Variants in OR13C3 observed in about 807,000 individuals in gnomAD.
OR13C3 encodes the protein olfactory receptor 13C3.
Under a neutral mutation model 14.4 loss-of-function variants are expected in OR13C3, and 19 were observed. The observed-to-expected ratio is 1.31, with a 90% confidence interval of 0.92 to 1.93. The LOEUF (loss-of-function observed/expected upper bound fraction) is 1.93, where lower values mean the gene tolerates loss of function less well. OR13C3 is among the 30% of genes most tolerant of loss of function. The probability of loss-of-function intolerance (pLI) is 0.00; values close to 1 mark genes in which losing one functional copy is unlikely to be tolerated. For missense variants in OR13C3, 394 were observed against 381.4 expected, an observed-to-expected ratio of 1.03 and a Z score of -0.27; for synonymous variants, 140 against 142.5, an observed-to-expected ratio of 0.98 and a Z score of 0.12.
chr9:104,536,262 T>C (rs1828816037), exon 1 of OR13C3: 6 of 1,614,136 alleles, frequency 3.7e-6, no homozygotes, highest in Non-Finnish European at 4.2e-6. Context: ...CAGCTGAATT[T>C]ATTCCACCGG....
exon 1 of OR13C3, chr9:104,536,420 A>G: frequency 6.2e-7 from 1 of 1,614,198 alleles, no homozygotes; most frequent in Non-Finnish European, 8.5e-7. Context: ...AACCCAAAGA[A>G]CATCTGCACT....
chr9:104,536,719 C>A (rs549034494), exon 1 of OR13C3: 8 of 1,613,754 alleles, frequency 5.0e-6, no homozygotes, highest in Admixed American at 1.7e-5. Context: ...GTTAATCTCA[C>A]CCATGTCATC....
At position 104,536,707 on chromosome 9, in the gene OR13C3, T is replaced by A. The variant is rs776109998; in HGVS notation, c.17A>T (p.Gln6Leu). ...AAGAAGAAATTCTGACACAAGTGTC[T>A]GGTTAATCTCACCCATGTCATCTGC... The change falls in exon 1 of 1, where the codon CAG becomes CTG. Residue 6 changes from glutamine (Q) to leucine (L), a missense_variant. Transcript: ENST00000641090. 82 of 1,613,578 alleles carry A rather than the reference T, an allele frequency of 5.1e-5. 2 individuals are homozygous for A. The Middle Eastern group carries it at 4.5e-3, about 88-fold the overall frequency.
exon 1 of OR13C3, chr9:104,536,487 G>C: frequency 1.9e-6 from 3 of 1,614,176 alleles, no homozygotes; most frequent in Non-Finnish European, 2.5e-6. Context: ...CCAATGTTGA[G>C]GGAACAGAGG....
exon 1 of OR13C3, chr9:104,535,775 G>A: frequency 6.3e-7 from 1 of 1,597,636 alleles, no homozygotes; most frequent in Non-Finnish European, 8.6e-7. Context: ...TTTCATTAGT[G>A]AATTGGTTTT....
exon 1 of OR13C3, chr9:104,536,377 C>A (rs773163298): frequency 6.2e-7 from 1 of 1,614,080 alleles, no homozygotes; most frequent in Non-Finnish European, 8.5e-7. Context: ...TGCCATCATG[C>A]CAAGAAGCAG....
chr9:104,536,514 A>G, exon 1 of OR13C3: 1 of 1,614,196 alleles, frequency 6.2e-7, no homozygotes, highest in Non-Finnish European at 8.5e-7. Context: ...TATAGCAGAT[A>G]TCCAGGAAAG....
exon 1 of OR13C3, chr9:104,535,967 C>T (rs772789062): frequency 3.7e-6 from 6 of 1,613,830 alleles, no homozygotes; most frequent in Non-Finnish European, 5.1e-6. Flanking sequence ...AAGATGGTAC[C>T]GTAAAATATG....
At chr9:104,536,087 C>A in exon 1 of OR13C3, 2 of 1,613,896 alleles carry the variant, frequency 1.2e-6, no homozygotes, top group Non-Finnish European at 1.7e-6. Context: ...AAAAAAATGA[C>A]CATCAGTGGA....
exon 1 of OR13C3, chr9:104,535,926 G>A (rs754857611): frequency 1.1e-5 from 17 of 1,613,956 alleles, no homozygotes; most frequent in Admixed American, 1.7e-5. Flanking sequence ...CCCCAATCAG[G>A]TCTTGAGACT....
chr9:104,536,723 T>C (rs1309455788), exon 1 of OR13C3: 4 of 1,613,894 alleles, frequency 2.5e-6, no homozygotes, highest in Admixed American at 3.3e-5. Context: ...ATCTCACCCA[T>C]GTCATCTGCT....
At chr9:104,536,400 C>T (rs759392573) in exon 1 of OR13C3, 1 of 1,614,088 alleles carries the variant, frequency 6.2e-7, no homozygotes, top group Non-Finnish European at 8.5e-7. Flanking sequence ...ATTCTGTTGA[C>T]CCCATTGCAA....
chr9:104,536,305 G>T (rs750198869), exon 1 of OR13C3: 1 of 1,613,846 alleles, frequency 6.2e-7, no homozygotes, highest in Non-Finnish European at 8.5e-7. Flanking sequence ...CAATACATAC[G>T]CCACCTTGCT....
Position 104,536,249 on chromosome 9 carries a change from G to A in OR13C3, c.475C>T (p.Gln159Ter), listed in dbSNP as rs757767777. 6 of 1,614,022 alleles carry A rather than the reference G, an allele frequency of 3.7e-6. 1 individual carries two copies. Among genetic ancestry groups the A allele is most frequent in the Non-Finnish European group, 5.1e-6 (6 of 1,179,964 alleles). ...GGCAGTCTCATGGCAAGTAATGTTT[G>A]CACAGCTGAATTTATTCCACCGGAC... The change falls in exon 1 of 1, where the codon CAA becomes TAA. Residue 159 changes from glutamine (Q) to a stop codon, truncating the protein, a stop_gained. Transcript: ENST00000641090. LOFTEE classifies it high-confidence loss of function.
At chr9:104,536,053 G>T (rs763375282) in exon 1 of OR13C3, 1 of 1,614,106 alleles carries the variant, frequency 6.2e-7, no homozygotes, top group South Asian at 1.1e-5. Context: ...TTGCAAGATG[G>T]TGTAGAGGAT....
At chr9:104,536,441 A>G (rs1828818332) in exon 1 of OR13C3, 1 of 1,614,186 alleles carries the variant, frequency 6.2e-7, no homozygotes, top group Non-Finnish European at 8.5e-7. Flanking sequence ...GCACATCCAG[A>G]GAAGGAAATG....
At position 104,536,635 on chromosome 9, in the gene OR13C3, A is replaced by G. The variant is rs151221778; in HGVS notation, c.89T>C (p.Leu30Pro). The change falls in exon 1 of 1, where the codon CTC becomes CCC. Residue 30 changes from leucine to proline, a missense_variant. Physicochemically the swap from Leu to Pro is moderately conservative, Grantham distance 98. Transcript: ENST00000641090. The stretch of plus-strand genomic sequence containing the variant: ...AATCACTAGGTACATAACTAGAATG[A>G]GAGCAAAGTAAACAATCTCAATCTT... 5.0e-5 allele frequency: 81 copies of G among 1,614,138 alleles called. No individual in the cohort carries two copies. In the African/African-American group the frequency reaches 8.7e-4, roughly 17 times the overall value.
At position 104,536,339 on chromosome 9, in the gene OR13C3, G is replaced by A. The variant is rs750913809; in HGVS notation, c.385C>T (p.Pro129Ser). 11 of 1,614,090 alleles carry A rather than the reference G, an allele frequency of 6.8e-6. No homozygotes were observed. The Admixed American group carries it at 1.2e-4, about 17-fold the overall frequency. Residue 129 changes from proline (P) to serine (S), a missense_variant, in exon 1 of 1, where the codon CCA becomes TCA. By Grantham distance (74) the Pro-to-Ser change is moderately conservative (BLOSUM62 -1). Transcript: ENST00000641090. ...CTCAGGATGATGGGGTATCTCAGTG[G>A]GTTGCAGATGGCCACATAACGATCA...
chr9:104,536,382 A>G (rs749189034), exon 1 of OR13C3: 3 of 1,614,172 alleles, frequency 1.9e-6, no homozygotes, highest in South Asian at 2.2e-5. Context: ...TCATGCCAAG[A>G]AGCAGACATT....
Sources: allele counts gnomAD v4.1 joint callset, GRCh38; gene constraint gnomAD v4.1.1; transcripts MANE v1.5; gene names NCBI Gene and HGNC (gene_info 2026-07-23, HGNC 2026-07-21).